Variants in PXDNL observed in about 807,000 individuals in gnomAD.
PXDNL encodes probable oxidoreductase PXDNL.
In PXDNL, 145 loss-of-function variants were observed where a neutral mutation model predicts 150.8. The ratio of observed to expected loss-of-function variants is 0.96; its 90% CI spans 0.84 to 1.10. The LOEUF is 1.10. Ranked by LOEUF, PXDNL falls within the 50% of genes least tolerant of loss-of-function variation. The pLI is 0.00. For missense variants in PXDNL, 2,087 were observed against 1,873.9 expected (o/e 1.11, Z -2.10); for synonymous variants, 757 against 725.7 (o/e 1.04, Z -0.69).
chr8:51,631,458 T>C (rs1296513929), intron 2 of PXDNL, among the ~76,000 whole-genome samples: 1 of 151,994 alleles, frequency 6.6e-6, no homozygotes, highest in Non-Finnish European at 1.5e-5. Context: ...AATGAAGATA[T>C]TAAGACATTT....
chr8:51,644,590 G>A (rs1477834959), intron 2 of PXDNL, among the ~76,000 whole-genome samples: 2 of 144,910 alleles, frequency 1.4e-5, no homozygotes, highest in African/African-American at 2.5e-5. Context: ...CTCCCAAGTA[G>A]CTGGGACTAC....
chr8:51,700,483 A>G (rs1210267717), intron 1 of PXDNL, among the ~76,000 whole-genome samples: 4 of 152,110 alleles, frequency 2.6e-5, no homozygotes, highest in African/African-American at 9.6e-5. Flanking sequence ...ATGCATACAC[A>G]CATATACATA....
rs1563304362 is a variant in PXDNL at position 51,735,556 on chromosome 8, T to TG, written c.164+73624_164+73625insC. 3.0e-4 allele frequency among the ~76,000 whole-genome samples: 40 copies of TG among 134,174 alleles called. 1 individual carries two copies. Among genetic ancestry groups the TG allele is most frequent in the African/African-American group, 4.2e-4 (15 of 35,490 alleles). The allele number at this position is 134,174 out of a possible 152,430, so 88.0% of individuals were successfully genotyped here. On this transcript the variant is annotated intron_variant, in intron 1 of 22. Transcript: ENST00000356297. ...TTTTTTTTTTTTTTTTTTTTTTTTT[T>TG]TTTTTTTTGAGACGGAGTCTCGCTC...
chr8:51,433,959 TA>T lies in PXDNL; in HGVS notation c.1526-7202del, dbSNP rs1383787922. 3.3e-5 allele frequency among the ~76,000 whole-genome samples: 5 copies of T among 152,308 alleles called. No homozygotes were observed. The East Asian group carries it at 9.6e-4, about 29-fold the overall frequency. ...ATAGAAAATATTTTAATATTATCTA[TA>T]TGTTCATCAGGTTCTTTTATTCACT... On this transcript the variant is annotated intron_variant, in intron 12 of 22. Transcript: ENST00000356297.
intron 2 of PXDNL, among the ~76,000 whole-genome samples, chr8:51,609,162 T>C (rs1813942994): frequency 6.6e-6 from 1 of 152,252 alleles, no homozygotes; most frequent in African/African-American, 2.4e-5. Context: ...CAAGGTCATG[T>C]GTTCTAATTC....
chr8:51,762,610 T>C (rs2037177357), intron 1 of PXDNL, among the ~76,000 whole-genome samples: 1 of 152,228 alleles, frequency 6.6e-6, no homozygotes, highest in Non-Finnish European at 1.5e-5. Context: ...AATTTACCTA[T>C]AGCCTGAAAG....
chr8:51,346,253 A>T (rs1806154615), intron 19 of PXDNL, among the ~76,000 whole-genome samples: 1 of 152,196 alleles, frequency 6.6e-6, no homozygotes, highest in Admixed American at 6.5e-5. Context: ...CATGGATTGC[A>T]TGGTGTCTTT....
intron 1 of PXDNL, among the ~76,000 whole-genome samples, chr8:51,739,209 AG>A (rs1179585765): frequency 9.2e-5 from 14 of 152,078 alleles, no homozygotes; most frequent in Admixed American, 3.3e-4. Context: ...TCATGATTAA[AG>A]AAAAAAAAAC....
At chr8:51,578,373 C>T (rs902878747) in intron 3 of PXDNL, among the ~76,000 whole-genome samples, 1 of 151,880 alleles carries the variant, frequency 6.6e-6, no homozygotes, top group Non-Finnish European at 1.5e-5. Context: ...AAAAGCAATA[C>T]TCTTTGCAGT....
intron 3 of PXDNL, among the ~76,000 whole-genome samples, chr8:51,563,464 A>C (rs1237522807): frequency 6.6e-6 from 1 of 151,920 alleles, no homozygotes; most frequent in Non-Finnish European, 1.5e-5. Context: ...CCACCTCCAA[A>C]TACCATCACA....
chr8:51,706,215 G>A (rs10100801), intron 1 of PXDNL, among the ~76,000 whole-genome samples: 3 of 152,122 alleles, frequency 2.0e-5, no homozygotes, highest in Admixed American at 2.0e-4. Flanking sequence ...GGAGACTGAG[G>A]CATGAAAATT....
chr8:51,379,270 G>A (rs1243139400), intron 17 of PXDNL, among the ~76,000 whole-genome samples: 1 of 152,112 alleles, frequency 6.6e-6, no homozygotes, highest in Non-Finnish European at 1.5e-5. Context: ...TGTTCTCTTT[G>A]TTGATCTTAC....
chr8:51,423,075 T>C (rs913843184), intron 14 of PXDNL, among the ~76,000 whole-genome samples: 1 of 152,270 alleles, frequency 6.6e-6, no homozygotes, highest in African/African-American at 2.4e-5. Context: ...GGTGATAGAA[T>C]GTAAAAAGCT....
At chr8:51,586,825 G>T (rs1813334991) in intron 3 of PXDNL, among the ~76,000 whole-genome samples, 1 of 152,178 alleles carries the variant, frequency 6.6e-6, no homozygotes, top group Non-Finnish European at 1.5e-5. Flanking sequence ...GGACAAAGCT[G>T]CTCAGAGCTG....
intron 1 of PXDNL, among the ~76,000 whole-genome samples, chr8:51,710,982 A>C (rs1182862311): frequency 6.6e-6 from 1 of 152,216 alleles, no homozygotes; most frequent in Non-Finnish European, 1.5e-5. Flanking sequence ...CACTCTCACC[A>C]TATGTGTTCA....
chr8:51,433,592 A>T (rs1809315371), intron 12 of PXDNL, among the ~76,000 whole-genome samples: 1 of 152,158 alleles, frequency 6.6e-6, no homozygotes, highest in Non-Finnish European at 1.5e-5. Flanking sequence ...TACAGAATTC[A>T]TCTGTAAATT....
At chr8:51,779,669 T>C (rs1234251555) in intron 1 of PXDNL, among the ~76,000 whole-genome samples, 1 of 152,218 alleles carries the variant, frequency 6.6e-6, no homozygotes, top group Non-Finnish European at 1.5e-5. Context: ...ATAAATTCTA[T>C]CTCATGGATT....
intron 4 of PXDNL, among the ~76,000 whole-genome samples, chr8:51,515,345 G>A (rs916645417): frequency 6.6e-6 from 1 of 152,138 alleles, no homozygotes; most frequent in Admixed American, 6.5e-5. Flanking sequence ...AGGCTCCAGG[G>A]GTGGAGGCAT....
intron 5 of PXDNL, among the ~76,000 whole-genome samples, chr8:51,496,686 A>C (rs558787720): frequency 6.6e-6 from 1 of 152,196 alleles, no homozygotes; most frequent in African/African-American, 2.4e-5. Context: ...TCCCATTCAC[A>C]ATTGCTTCAA....
Sources: allele counts gnomAD v4.1 joint callset (sites outside exome capture counted in the v4.1 genomes callset), GRCh38; gene constraint gnomAD v4.1.1; transcripts MANE v1.5; gene names NCBI Gene and HGNC (gene_info 2026-07-23, HGNC 2026-07-21).